Variants in RPH3A observed in about 807,000 individuals in gnomAD.
The protein encoded by RPH3A is rabphilin-3A.
In RPH3A, 48 loss-of-function variants were observed where a neutral mutation model predicts 102.2. That is an observed-to-expected ratio of 0.47 (90% CI 0.37 to 0.60). The LOEUF (loss-of-function observed/expected upper bound fraction) is 0.60, where lower values mean the gene tolerates loss of function less well. Ranked by LOEUF, RPH3A falls within the 20% of genes least tolerant of loss-of-function variation. The probability of loss-of-function intolerance (pLI) is 0.00; values close to 1 mark genes in which losing one functional copy is unlikely to be tolerated. For synonymous variants in RPH3A, 310 were observed against 324.3 expected, an observed-to-expected ratio of 0.96 and a Z score of 0.47; for missense variants, 781 against 910.1, an observed-to-expected ratio of 0.86 and a Z score of 1.83.
intron 1 of RPH3A, among the ~76,000 whole-genome samples, chr12:112,713,757 T>A (rs1357081389): frequency 6.6e-6 from 1 of 152,206 alleles, no homozygotes; most frequent in Non-Finnish European, 1.5e-5. Context: ...GGCACCCAAT[T>A]TGAAAGGACT....
intron 1 of RPH3A, among the ~76,000 whole-genome samples, chr12:112,768,513 C>T (rs2040906688): frequency 6.6e-6 from 1 of 152,244 alleles, no homozygotes; most frequent in Non-Finnish European, 1.5e-5. Flanking sequence ...ATTCCCTCCA[C>T]CTTAAACACA....
At chr12:112,679,476 A>G (rs1307347541) in intron 1 of RPH3A, among the ~76,000 whole-genome samples, 2 of 151,592 alleles carry the variant, frequency 1.3e-5, no homozygotes, top group Non-Finnish European at 2.9e-5. Context: ...CCCGGTCTGG[A>G]GTGCCGTGGC....
intron 1 of RPH3A, among the ~76,000 whole-genome samples, chr12:112,713,021 TCC>T (rs2040485269): frequency 1.4e-5 from 1 of 71,308 alleles, no homozygotes; most frequent in Non-Finnish European, 2.6e-5. Flanking sequence ...CTCTTCCTCT[TCC>T]TCTTCTTCTT....
intron 1 of RPH3A, among the ~76,000 whole-genome samples, chr12:112,657,653 G>T (rs763671043): frequency 1.9e-4 from 29 of 152,062 alleles, no homozygotes; most frequent in Admixed American, 4.6e-4. Context: ...GGTTTTTGTG[G>T]TCCATCATTG....
At chr12:112,686,498 A>G (rs142443922) in intron 1 of RPH3A, among the ~76,000 whole-genome samples, 2 of 152,224 alleles carry the variant, frequency 1.3e-5, no homozygotes, top group Admixed American at 6.5e-5. Context: ...TCAGGGCTTT[A>G]CCTCTCTTGT....
In RPH3A at chr12:112,866,778, G is replaced by A. The variant is rs1300152899; in HGVS notation, c.382G>A (p.Val128Met). ...ACAGAACGTCTGCACCAAGTGCGGAGTGGAGACCAACAACCGCCTGCATTC... is the reference window on the plus strand; with the variant it reads ...ACAGAACGTCTGCACCAAGTGCGGAATGGAGACCAACAACCGCCTGCATTC... The part of the protein sequence containing the change: ...CKKNVCTKCG[V>M]ETNNRLHSVW... The change falls in exon 7 of 22, where the codon GTG (valine) becomes ATG (methionine). Residue 128 changes from valine (V) to methionine (M), a missense_variant. By Grantham distance (21) the Val-to-Met change is conservative. Around this residue, in one of 2 missense-constraint regions of RPH3A, gnomAD observed 730 missense variants for 810.0 expected, o/e 0.90. Transcript: ENST00000389385. The A allele has an allele frequency of 4.3e-6, 7 of 1,609,546 alleles. No homozygotes were observed. The African/African-American group carries it at 5.3e-5, about 12-fold the overall frequency.
chr12:112,789,489 C>T (rs2041074356), upstream of RPH3A, among the ~76,000 whole-genome samples: 2 of 152,278 alleles, frequency 1.3e-5, no homozygotes, highest in African/African-American at 4.8e-5. Flanking sequence ...AGTTTGAATG[C>T]TGTGTCTGTA....
At chr12:112,876,365 A>G (rs368725471) in intron 12 of RPH3A, among the ~76,000 whole-genome samples, 21 of 152,198 alleles carry the variant, frequency 1.4e-4, no homozygotes, top group African/African-American at 5.1e-4. Context: ...GCTCAGAGAC[A>G]TTAAGTAATT....
At chr12:112,875,214 G>A (rs191876285) in intron 11 of RPH3A, 44 bp downstream of exon 11, 52 of 1,465,678 alleles carry the variant, frequency 3.5e-5, no homozygotes, top group Middle Eastern at 4.1e-4. Context: ...GCTGTCACTC[G>A]GCTGTGACCC....
At chr12:112,753,234 G>T (rs535501375) in intron 1 of RPH3A, among the ~76,000 whole-genome samples, 90 of 152,252 alleles carry the variant, frequency 5.9e-4, no homozygotes, top group African/African-American at 1.9e-3. Flanking sequence ...TCCCAAAGGT[G>T]AGGGATTCTG....
Position 112,679,519 on chromosome 12 carries a change from G to A in RPH3A, c.-140+104200G>A, listed in dbSNP as rs12309608. Among the ~76,000 whole-genome samples, 1,083 of 152,162 alleles carry A rather than the reference G, an allele frequency of 7.1e-3. 19 individuals carry two copies. The highest frequency in any genetic ancestry group is 0.025 in the African/African-American group (1,019 of 41,490). Reference sequence around the variant, plus strand: ...TGGCTCACTGCAACCTCCACCTCCCGGATTTAAGCAGTTCTCCTGCCTCAA... The same window carrying A: ...TGGCTCACTGCAACCTCCACCTCCCAGATTTAAGCAGTTCTCCTGCCTCAA... On this transcript the variant is annotated intron_variant, in intron 1 of 21. Transcript: ENST00000543106.
At chr12:112,870,981 T>C (rs963347844) in intron 10 of RPH3A, among the ~76,000 whole-genome samples, 2 of 152,230 alleles carry the variant, frequency 1.3e-5, no homozygotes, top group African/African-American at 4.8e-5. Flanking sequence ...AATCCACGTA[T>C]GAGACTTCTG....
At chr12:112,870,141 T>TGAG (rs2136227628) in intron 10 of RPH3A, 102 bp downstream of exon 10, 1 of 1,155,444 alleles carries the variant, frequency 8.7e-7, no homozygotes, top group East Asian at 2.6e-5. Flanking sequence ...CAGCATTTAT[T>TGAG]GAGTCCTACT....
intron 1 of RPH3A, among the ~76,000 whole-genome samples, chr12:112,645,169 G>T (rs1013271464): frequency 6.6e-6 from 1 of 152,156 alleles, no homozygotes; most frequent in African/African-American, 2.4e-5. Context: ...AGTTTGAAAT[G>T]ATAGTTACTA....
At chr12:112,798,531 C>T (rs964396349) in intron 2 of RPH3A, among the ~76,000 whole-genome samples, 2 of 152,270 alleles carry the variant, frequency 1.3e-5, no homozygotes, top group Middle Eastern at 3.4e-3. Flanking sequence ...GATGGCGGGG[C>T]GGCATTCTGG....
intron 1 of RPH3A, among the ~76,000 whole-genome samples, chr12:112,781,692 C>A (rs903082743): frequency 2.0e-5 from 3 of 152,200 alleles, no homozygotes; most frequent in Non-Finnish European, 4.4e-5. Flanking sequence ...TTCATTCATT[C>A]ATTCACTCAA....
At chr12:112,891,727 CAT>C (rs1485772065) in intron 19 of RPH3A, among the ~76,000 whole-genome samples, 2 of 152,176 alleles carry the variant, frequency 1.3e-5, no homozygotes, top group African/African-American at 2.4e-5. Flanking sequence ...TCCTGTATCT[CAT>C]AGGAGTGGGC....
At chr12:112,846,403 GTCC>G (rs1390985133) in intron 4 of RPH3A, among the ~76,000 whole-genome samples, 2 of 152,294 alleles carry the variant, frequency 1.3e-5, no homozygotes, top group East Asian at 3.9e-4. Flanking sequence ...CCCAGGCAGC[GTCC>G]TCCTTCCCTT....
In RPH3A at chr12:112,854,889, G is replaced by A. The variant is rs542293605; in HGVS notation, c.230+7047G>A. On this transcript the variant is annotated intron_variant, in intron 5 of 21. Coordinates refer to ENST00000389385, the MANE Select transcript of RPH3A (RefSeq NM_001143854.2). ...GGAAAGGCAATTGATGGATGATTTC[G>A]GGGATTCAGAGAAGTCAATAATGAC... Among the ~76,000 whole-genome samples, 11 of 152,296 alleles carry A rather than the reference G, an allele frequency of 7.2e-5. No individual in the cohort carries two copies. In the South Asian group the frequency reaches 1.2e-3, roughly 17 times the overall value.
Sources: allele counts gnomAD v4.1 joint callset (sites outside exome capture counted in the v4.1 genomes callset), GRCh38; gene constraint gnomAD v4.1.1; regional missense constraint gnomAD v4.1.1; transcripts MANE v1.5; gene names NCBI Gene and HGNC (gene_info 2026-07-23, HGNC 2026-07-21).